Variants in PAX6 observed in about 807,000 individuals in gnomAD.
The protein encoded by PAX6 is paired box protein Pax-6.
A neutral mutation model predicts 60.7 loss-of-function variants in PAX6; 7 were observed. The ratio of observed to expected loss-of-function variants is 0.12; its 90% CI spans 0.07 to 0.22. The LOEUF is 0.22. PAX6 is among the 10% of genes least tolerant of loss of function. PAX6 has a pLI of 1.00. For missense variants in PAX6, 355 were observed against 555.2 expected (o/e 0.64, Z 3.62); for synonymous variants, 208 against 201.2 (o/e 1.03, Z -0.29).
At position 31,793,690 on chromosome 11, in the gene PAX6, G is replaced by C; in HGVS notation, c.920C>G (p.Thr307Ser). Residue 307 changes from threonine (T) to serine (S), a missense_variant, in exon 11 of 14, where the codon ACC becomes AGC. Thr to Ser is a moderately conservative substitution (Grantham distance 58). Coordinates refer to ENST00000640368, the MANE Select transcript of PAX6 (RefSeq NM_001368894.2). The part of the protein sequence containing the change: ...SHIPISSSFS[T>S]SVYQPIPQPT... ...TTGTGGAATTGGTTGGTAGACACTG[G>C]TGCTGAAACTACTGCTGATAGGAAT... 6.2e-7 allele frequency: 1 copy of C among 1,614,184 alleles called. No individual in the cohort carries two copies. The highest frequency in any genetic ancestry group is 1.1e-5 in the South Asian group (1 of 91,084).
rs1326537837 is a variant in PAX6 at position 31,793,860 on chromosome 11, G to C, written c.808-58C>G. 5.0e-6 allele frequency: 8 copies of C among 1,599,716 alleles called. No individual in the cohort carries two copies. The Admixed American group carries it at 1.3e-4, about 27-fold the overall frequency. On this transcript the variant is annotated intron_variant, in intron 10 of 13. Coordinates refer to ENST00000640368, the MANE Select transcript of PAX6 (RefSeq NM_001368894.2). ...TCTACGTCGAGCCCAGCCCCACCTT[G>C]GCACCTCCACTGCTGCCCTCCCCAC...
upstream of PAX6, chr11:31,811,590 G>C (rs1304568186): frequency 5.3e-6 from 1 of 190,086 alleles, no homozygotes; most frequent in Non-Finnish European, 1.1e-5. Flanking sequence ...CCGCGAACTT[G>C]AGCGGTCAAG....
At chr11:31,814,358 C>T (rs1957272831), upstream of PAX6, 1 of 152,392 alleles carries the variant, frequency 6.6e-6, no homozygotes, top group Non-Finnish European at 1.5e-5. Flanking sequence ...TGGCATTCCC[C>T]TGTGCCCACC....
intron 4 of PAX6, 56 bp from the exon 5 acceptor site, chr11:31,802,890 G>A: frequency 6.5e-7 from 1 of 1,533,026 alleles, no homozygotes; most frequent in Non-Finnish European, 9.0e-7. Flanking sequence ...GCAGAGTGAA[G>A]AGGAAGAAGA....
chr11:31,802,150 G>T, intron 5 of PAX6: 1 of 538,614 alleles, frequency 1.9e-6, no homozygotes, highest in Non-Finnish European at 3.3e-6. Flanking sequence ...TTAAAGTGGC[G>T]TTATGTTTTA....
chr11:31,790,978 G>T (rs777426400), intron 12 of PAX6, 118 bp from the exon 13 acceptor site: 2 of 1,033,300 alleles, frequency 1.9e-6, no homozygotes, highest in Admixed American at 2.0e-5. Flanking sequence ...ATGCCTTCAC[G>T]TGAAGTACTG....
At chr11:31,790,468 A>C (rs1292164260) in intron 13 of PAX6, 3 of 1,368,922 alleles carry the variant, frequency 2.2e-6, no homozygotes, top group African/African-American at 2.9e-5. Flanking sequence ...TTGCAGTCTC[A>C]GGCCTTGTCT....
At chr11:31,813,324 G>A (rs986505988), upstream of PAX6, among the ~76,000 whole-genome samples, 2 of 142,556 alleles carry the variant, frequency 1.4e-5, no homozygotes, top group Non-Finnish European at 3.0e-5. Context: ...TTCCAAGCGA[G>A]CATTAAAGAA....
chr11:31,801,877 A>T lies in PAX6; in HGVS notation c.177T>A (p.Asn59Lys). ...TAAACAATGACAAGCTTACGTTTTG[A>T]TTGTCCAGCACTTGGACTTTTGCAT... ...HADAKVQVLD[N>K]QNVSNGCVSK... is the part of the protein sequence containing the mutation. The change falls in exon 6 of 14, where the codon AAT becomes AAA. Residue 59 changes from asparagine (N) to lysine (K), a missense_variant. Physicochemically the swap from Asn to Lys is moderately conservative, Grantham distance 94. This residue lies in a region of PAX6 where 41 missense variants were observed against 77.1 expected (regional missense o/e 0.53). Transcript: ENST00000640368. The T allele has an allele frequency of 6.2e-7, 1 of 1,614,114 alleles. No individual in the cohort carries two copies. Among genetic ancestry groups the T allele is most frequent in the Admixed American group, 1.7e-5 (1 of 60,028 alleles).
intron 13 of PAX6, chr11:31,790,293 G>A (rs752746233): frequency 1.7e-6 from 1 of 592,320 alleles, no homozygotes; most frequent in Non-Finnish European, 2.6e-6. Context: ...TTGCATGTTT[G>A]GAACTTTTAC....
intron 8 of PAX6, 122 bp downstream of exon 8, chr11:31,800,569 T>A: frequency 8.4e-7 from 1 of 1,196,414 alleles, no homozygotes; most frequent in African/African-American, 1.5e-5. Context: ...GGCCTTCAAA[T>A]GCAGTCTCAC....
intron 1 of PAX6, chr11:31,816,370 C>T: frequency 1.7e-6 from 1 of 594,286 alleles, no homozygotes; most frequent in Non-Finnish European, 3.0e-6. Flanking sequence ...AGGGCACGGG[C>T]ATGAGAAGGC....
intron 5 of PAX6, chr11:31,802,294 G>A (rs1954255380): frequency 3.2e-6 from 1 of 317,030 alleles, no homozygotes; most frequent in South Asian, 4.2e-5. Flanking sequence ...TCATAAACAT[G>A]AAGAATAAAC....
At chr11:31,807,787 G>A (rs1956182183) in intron 2 of PAX6, 1 of 152,078 alleles carries the variant, frequency 6.6e-6, no homozygotes, top group Non-Finnish European at 1.5e-5. Flanking sequence ...CCAACCAAAT[G>A]TACCAACAAC....
At chr11:31,814,990 G>C (rs937702897), upstream of PAX6, 28 of 130,420 alleles carry the variant, frequency 2.1e-4, no homozygotes, top group South Asian at 7.6e-4. Flanking sequence ...AGGCCAGCCT[G>C]TCTCTCTCTC....
At chr11:31,797,686 A>C (rs1197222164) in intron 8 of PAX6, among the ~76,000 whole-genome samples, 2 of 152,160 alleles carry the variant, frequency 1.3e-5, no homozygotes, top group Non-Finnish European at 2.9e-5. Context: ...GCTCTTACAT[A>C]AAATGGGTAC....
chr11:31,793,577 A>G (rs1950561536), intron 11 of PAX6, 24 bp from the exon 12 acceptor site: 1 of 1,613,098 alleles, frequency 6.2e-7, no homozygotes, highest in African/African-American at 1.3e-5. Flanking sequence ...AAATGACAGT[A>G]GTCAGAGTGA....
At chr11:31,802,444 T>G in intron 5 of PAX6, 1 of 468,826 alleles carries the variant, frequency 2.1e-6, no homozygotes, top group Middle Eastern at 5.6e-4. Context: ...AAAGATTTTT[T>G]TAAAAAAATC....
At chr11:31,802,674 C>T (rs750044491) in intron 5 of PAX6, 30 bp downstream of exon 5, 6 of 1,600,282 alleles carry the variant, frequency 3.7e-6, no homozygotes, top group South Asian at 1.1e-5. Flanking sequence ...GCCGCGGGGG[C>T]GGCGAGTGGG....
Sources: allele counts gnomAD v4.1 joint callset (sites outside exome capture counted in the v4.1 genomes callset), GRCh38; gene constraint gnomAD v4.1.1; regional missense constraint gnomAD v4.1.1; transcripts MANE v1.5; gene names NCBI Gene and HGNC (gene_info 2026-07-23, HGNC 2026-07-21).